NFATC2: variants seen among roughly 807,000 people sequenced by gnomAD.
NFATC2 encodes the protein nuclear factor of activated T-cells, cytoplasmic 2.
A neutral mutation model predicts 87.3 loss-of-function variants in NFATC2; 22 were observed. That is an observed-to-expected ratio of 0.25 (90% CI 0.18 to 0.36). The LOEUF is 0.36. Among genes scored for constraint, NFATC2 ranks in the 10% least tolerant of loss-of-function variants. The pLI is 1.00. For missense variants in NFATC2, 1,149 were observed against 1,259.1 expected, an observed-to-expected ratio of 0.91 and a Z score of 1.32; for synonymous variants, 565 against 542.2, an observed-to-expected ratio of 1.04 and a Z score of -0.58.
chr20:51,523,751 G>C lies in NFATC2; in HGVS notation c.490C>G (p.Pro164Ala). ...PVPGFEGYRE[P>A]LCLSPASSGS... Reference sequence around the variant, plus strand: ...CTGCTAGCGGGGCTCAAGCAAAGCGGCTCGCGGTAGCCCTCGAAGCCGGGC... The same window carrying C: ...CTGCTAGCGGGGCTCAAGCAAAGCGCCTCGCGGTAGCCCTCGAAGCCGGGC... The change falls in exon 2 of 11, where the codon CCG becomes GCG. Residue 164 changes from proline (P) to alanine (A), a missense_variant. By Grantham distance (27) the Pro-to-Ala change is conservative (BLOSUM62 -1). This residue lies in a region of NFATC2 where 563 missense variants were observed against 585.2 expected (regional missense o/e 0.96). Transcript: ENST00000371564. This position sits in a 1 kb window ranked among gnomAD's most constrained non-coding sequence, Gnocchi z 6.9. 1 of 1,610,886 alleles carries C rather than the reference G, an allele frequency of 6.2e-7. No homozygotes were observed. Among genetic ancestry groups the C allele is most frequent in the Non-Finnish European group, 8.5e-7 (1 of 1,178,436 alleles).
At chr20:51,503,916 T>C (rs1178528527) in intron 3 of NFATC2, among the ~76,000 whole-genome samples, 4 of 152,230 alleles carry the variant, frequency 2.6e-5, no homozygotes, top group African/African-American at 9.6e-5. Flanking sequence ...CAATCTTGGC[T>C]CACTGCAGCC....
At chr20:51,406,274 CT>C (rs1320523167) in intron 9 of NFATC2, among the ~76,000 whole-genome samples, 1 of 152,218 alleles carries the variant, frequency 6.6e-6, no homozygotes, top group Non-Finnish European at 1.5e-5. Context: ...CAAGAATACG[CT>C]TCTCTGAATG....
chr20:51,508,912 C>T (rs760114623), intron 3 of NFATC2, among the ~76,000 whole-genome samples: 99 of 152,270 alleles, frequency 6.5e-4, no homozygotes, highest in Admixed American at 1.1e-3. Flanking sequence ...CTGTCCACAC[C>T]CCAGCAGAGG....
intron 10 of NFATC2, among the ~76,000 whole-genome samples, chr20:51,397,772 A>AGCGTCAGCTCCCCTGGGTGTACTAAT (rs1987401942): frequency 6.6e-6 from 1 of 152,112 alleles, no homozygotes; most frequent in Non-Finnish European, 1.5e-5. Flanking sequence ...ATGCTTCTCA[A>AGCGTCAGCTCCCCTGGGTGTACTAAT]GCGTCAGCTC....
At chr20:51,518,632 T>A (rs932224906) in intron 2 of NFATC2, among the ~76,000 whole-genome samples, 1 of 152,072 alleles carries the variant, frequency 6.6e-6, no homozygotes, top group African/African-American at 2.4e-5. Flanking sequence ...AAATAATCAC[T>A]CACATCTAAC....
chr20:51,490,504 T>G (rs938216408), intron 3 of NFATC2, among the ~76,000 whole-genome samples: 2 of 152,236 alleles, frequency 1.3e-5, no homozygotes, highest in African/African-American at 4.8e-5. Flanking sequence ...ACTGGACTGT[T>G]GGTTACTGAA....
At chr20:51,476,160 T>C (rs1226778141) in intron 3 of NFATC2, among the ~76,000 whole-genome samples, 1 of 151,358 alleles carries the variant, frequency 6.6e-6, no homozygotes, top group African/African-American at 2.4e-5. Flanking sequence ...ATGTGCCATG[T>C]TGGTGTGCTG....
chr20:51,477,574 T>A (rs397865380), intron 3 of NFATC2, among the ~76,000 whole-genome samples: 14 of 69,668 alleles, frequency 2.0e-4, no homozygotes, highest in African/African-American at 7.9e-4. Flanking sequence ...TATATATATA[T>A]ATATATAAAA....
chr20:51,432,389 G>C lies in NFATC2; in HGVS notation c.2400C>G (p.Pro800=), dbSNP rs141718037. Residue 800 remains proline (P), a synonymous_variant, in exon 9 of 11, where the codon CCC becomes CCG. Transcript: ENST00000371564. The surrounding 1 kb of genome is among the most constrained non-coding windows in gnomAD (Gnocchi z 4.6). ...SQGQSSALLH[P]SPTNQQASPV... ...GCGAGGCCTGCTGGTTGGTCGGAGA[G>C]GGGTGGAGCAGGGCTGAGCTCTGGC... The C allele has an allele frequency of 2.1e-4, 334 of 1,609,282 alleles. No homozygotes were observed. In the Middle Eastern group the frequency reaches 3.0e-3, roughly 14 times the overall value.
At chr20:51,408,512 TAA>T (rs11480882) in intron 9 of NFATC2, among the ~76,000 whole-genome samples, 2 of 137,260 alleles carry the variant, frequency 1.5e-5, no homozygotes, top group Non-Finnish European at 3.0e-5. Flanking sequence ...AGACTCTTTT[TAA>T]AAAAAAAAAA....
intron 5 of NFATC2, among the ~76,000 whole-genome samples, chr20:51,465,937 G>A (rs1362680502): frequency 6.6e-6 from 1 of 152,048 alleles, no homozygotes; most frequent in Admixed American, 6.6e-5. Flanking sequence ...AATAAATATT[G>A]GGAAGCCCAC....
chr20:51,423,201 G>C (rs1981212739), intron 9 of NFATC2, among the ~76,000 whole-genome samples: 1 of 141,700 alleles, frequency 7.1e-6, no homozygotes, highest in Non-Finnish European at 1.5e-5. Context: ...GAGGCAGGCA[G>C]ATTGCTTGAG....
intron 10 of NFATC2, among the ~76,000 whole-genome samples, chr20:51,395,306 TATTTA>T (rs983859427): frequency 1.4e-5 from 2 of 147,710 alleles, no homozygotes; most frequent in African/African-American, 5.3e-5. Flanking sequence ...ACTCAGAGCC[TATTTA>T]ATTAACTTGT....
intron 5 of NFATC2, among the ~76,000 whole-genome samples, chr20:51,457,242 T>C (rs1458772003): frequency 6.6e-6 from 1 of 152,214 alleles, no homozygotes; most frequent in Non-Finnish European, 1.5e-5. Flanking sequence ...TTGATGAAAC[T>C]GGGGAGCAGC....
intron 1 of NFATC2, among the ~76,000 whole-genome samples, chr20:51,534,178 A>C (rs1280951452): frequency 4.1e-5 from 6 of 145,138 alleles, no homozygotes; most frequent in Non-Finnish European, 7.5e-5. Context: ...CTTGGGGTGC[A>C]GGGAAATTCC....
At chr20:51,450,736 C>G (rs953992291) in intron 6 of NFATC2, among the ~76,000 whole-genome samples, 1 of 152,192 alleles carries the variant, frequency 6.6e-6, no homozygotes, top group African/African-American at 2.4e-5. Context: ...TGAGACCACA[C>G]ACGGAAAGTG....
chr20:51,420,072 T>G (rs1033749364), intron 9 of NFATC2, among the ~76,000 whole-genome samples: 3 of 150,176 alleles, frequency 2.0e-5, no homozygotes, highest in Admixed American at 2.0e-4. Context: ...TGTAAGATAT[T>G]AATGAACCAA....
At chr20:51,533,303 A>G (rs549914919) in intron 1 of NFATC2, among the ~76,000 whole-genome samples, 259 of 152,296 alleles carry the variant, frequency 1.7e-3, no homozygotes, top group Non-Finnish European at 2.8e-3. Flanking sequence ...GTTGCCTCCA[A>G]ATAACAAATC....
chr20:51,432,448 G>A lies in NFATC2; in HGVS notation c.2341C>T (p.His781Tyr), dbSNP rs1283275053. The stretch of plus-strand genomic sequence containing the variant: ...CCGGCGTGCACCAGCACAGAGCGGT[G>A]AGCGTCCGCAAGGGACAGCGGGGCG... ...MAAPLSLADAHRSVLVHAGSQ... is the reference protein window; with the variant it reads ...MAAPLSLADAYRSVLVHAGSQ... The change falls in exon 9 of 11, where the codon CAC becomes TAC. Residue 781 changes from histidine to tyrosine, a missense_variant. Coordinates refer to ENST00000371564, the MANE Select transcript of NFATC2 (RefSeq NM_012340.5). The surrounding 1 kb of genome is among the most constrained non-coding windows in gnomAD (Gnocchi z 4.6). The A allele has an allele frequency of 4.5e-6, 7 of 1,571,742 alleles. No homozygotes were observed. The highest frequency in any genetic ancestry group is 6.0e-6 in the Non-Finnish European group (7 of 1,157,084).
Sources: allele counts gnomAD v4.1 joint callset (sites outside exome capture counted in the v4.1 genomes callset), GRCh38; gene constraint gnomAD v4.1.1; regional missense constraint gnomAD v4.1.1; non-coding constraint Gnocchi (gnomAD v3.1); transcripts MANE v1.5; gene names NCBI Gene and HGNC (gene_info 2026-07-23, HGNC 2026-07-21).